Variants in OPCML observed in about 807,000 individuals in gnomAD.
OPCML encodes opioid binding protein/cell adhesion molecule like.
In OPCML, 13 loss-of-function variants were observed where a neutral mutation model predicts 37.8. That is an observed-to-expected ratio of 0.34 (90% CI 0.22 to 0.55). The LOEUF is 0.55. OPCML is among the 20% of genes least tolerant of loss of function. The pLI is 0.91. For missense variants in OPCML, 341 were observed against 435.6 expected, an observed-to-expected ratio of 0.78 and a Z score of 1.93; for synonymous variants, 176 against 168.8, an observed-to-expected ratio of 1.04 and a Z score of -0.33.
intron 1 of OPCML, among the ~76,000 whole-genome samples, chr11:133,306,793 G>A (rs1202677064): frequency 6.6e-6 from 1 of 152,168 alleles, no homozygotes; most frequent in Non-Finnish European, 1.5e-5. Context: ...TAATTTGCCT[G>A]ACATAAGAGC....
chr11:132,750,746 T>G (rs1945802839), intron 2 of OPCML, among the ~76,000 whole-genome samples: 2 of 151,962 alleles, frequency 1.3e-5, no homozygotes, highest in African/African-American at 4.8e-5. Flanking sequence ...CCTGACCTAC[T>G]GACAAATACT....
chr11:133,353,831 A>G (rs1944198852), intron 1 of OPCML, among the ~76,000 whole-genome samples: 1 of 152,200 alleles, frequency 6.6e-6, no homozygotes, highest in Admixed American at 6.5e-5. Context: ...CTGCTGTTCC[A>G]TCAACTTTCC....
chr11:132,781,601 TACAC>T (rs139359164), intron 2 of OPCML, among the ~76,000 whole-genome samples: 3 of 146,396 alleles, frequency 2.0e-5, no homozygotes, highest in South Asian at 2.2e-4. Flanking sequence ...CACATATACA[TACAC>T]ACACACACAC....
At chr11:133,195,385 G>T (rs1039658327) in intron 1 of OPCML, among the ~76,000 whole-genome samples, 16 of 152,216 alleles carry the variant, frequency 1.1e-4, no homozygotes, top group African/African-American at 3.9e-4. Context: ...GAGAAAAGAT[G>T]CTGGAATCCT....
chr11:132,907,841 T>G (rs80184903), intron 2 of OPCML, among the ~76,000 whole-genome samples: 16,437 of 152,110 alleles, frequency 0.11, 1,211 homozygotes, highest in African/African-American at 0.19. Context: ...TTACACGGTT[T>G]CCTTCCCCAC....
intron 1 of OPCML, among the ~76,000 whole-genome samples, chr11:133,459,366 G>T (rs1451065332): frequency 4.6e-5 from 7 of 151,964 alleles, no homozygotes. Context: ...ATGTCAAAAA[G>T]TGTCCTTATT....
intron 2 of OPCML, among the ~76,000 whole-genome samples, chr11:132,730,084 G>A (rs921117877): frequency 2.2e-5 from 3 of 134,156 alleles, no homozygotes; most frequent in Non-Finnish European, 4.6e-5. Context: ...CACGATCTCA[G>A]CTCACTGAAC....
intron 1 of OPCML, among the ~76,000 whole-genome samples, chr11:132,984,905 A>C (rs148743386): frequency 6.6e-6 from 1 of 152,230 alleles, no homozygotes; most frequent in Non-Finnish European, 1.5e-5. Flanking sequence ...TCCATGATTA[A>C]CAAATTCGCT....
chr11:132,442,883 C>G (rs1204027815), intron 4 of OPCML, among the ~76,000 whole-genome samples: 2 of 152,142 alleles, frequency 1.3e-5, no homozygotes, highest in Non-Finnish European at 2.9e-5. Context: ...ATAAATTCCC[C>G]AGTCTCGGGT....
At chr11:133,158,746 A>ATAAAG (rs1402152717) in intron 1 of OPCML, among the ~76,000 whole-genome samples, 3 of 151,182 alleles carry the variant, frequency 2.0e-5, no homozygotes, top group Admixed American at 6.6e-5. Flanking sequence ...ATAAAATAAA[A>ATAAAG]TAAAATAAAA....
chr11:132,747,718 A>G (rs1247262532), intron 2 of OPCML, among the ~76,000 whole-genome samples: 2 of 152,244 alleles, frequency 1.3e-5, no homozygotes, highest in Non-Finnish European at 2.9e-5. Context: ...AGAAGTTTAT[A>G]TTAGACAATG....
At chr11:133,243,201 C>T (rs570970429) in intron 1 of OPCML, among the ~76,000 whole-genome samples, 6 of 152,256 alleles carry the variant, frequency 3.9e-5, no homozygotes, top group Admixed American at 3.3e-4. Context: ...AGTTACAACG[C>T]TGAAAGAATA....
chr11:133,403,856 CA>C (rs1219259100), intron 1 of OPCML, among the ~76,000 whole-genome samples: 2 of 152,162 alleles, frequency 1.3e-5, no homozygotes, highest in African/African-American at 2.4e-5. Flanking sequence ...TCCAATTCAA[CA>C]AGTGTATGTT....
chr11:133,275,757 C>G (rs1349760352), intron 1 of OPCML, among the ~76,000 whole-genome samples: 1 of 152,180 alleles, frequency 6.6e-6, no homozygotes, highest in Non-Finnish European at 1.5e-5. Context: ...GCGCCTGGCA[C>G]ATGGATATTC....
intron 1 of OPCML, among the ~76,000 whole-genome samples, chr11:133,118,107 C>T (rs1185441450): frequency 6.6e-6 from 1 of 152,198 alleles, no homozygotes; most frequent in African/African-American, 2.4e-5. Context: ...CCCTGATTAG[C>T]AAACTGTGAC....
intron 2 of OPCML, among the ~76,000 whole-genome samples, chr11:132,756,775 T>C (rs1278855019): frequency 1.3e-5 from 2 of 152,102 alleles, no homozygotes; most frequent in African/African-American, 2.4e-5. Flanking sequence ...AAGGTCTTCT[T>C]TTTTCTTTTT....
intron 2 of OPCML, among the ~76,000 whole-genome samples, chr11:132,910,373 CA>C (rs1212327201): frequency 6.6e-6 from 1 of 152,252 alleles, no homozygotes; most frequent in Non-Finnish European, 1.5e-5. Flanking sequence ...AGTGACTTTT[CA>C]GATGTGAAGG....
chr11:133,462,884 A>C (rs1482232909), intron 1 of OPCML, among the ~76,000 whole-genome samples: 1 of 152,300 alleles, frequency 6.6e-6, no homozygotes, highest in South Asian at 2.1e-4. Flanking sequence ...TTATGTGGCC[A>C]TGTTTATAAT....
At chr11:133,178,834 A>G (rs1439417734) in intron 1 of OPCML, among the ~76,000 whole-genome samples, 5 of 152,222 alleles carry the variant, frequency 3.3e-5, no homozygotes, top group African/African-American at 1.2e-4. Context: ...CAAAATGAGA[A>G]GACTATTTTA....
Sources: gnomAD v4.1 joint callset for allele counts (sites outside exome capture counted in the v4.1 genomes callset) on GRCh38, gnomAD v4.1.1 for gene constraint, MANE v1.5 for transcripts, NCBI Gene and HGNC (gene_info 2026-07-23, HGNC 2026-07-21) for gene names.